DST: variants seen among roughly 807,000 people sequenced by gnomAD.
DST encodes the protein dystonin, also known as bullous pemphigoid antigen.
A neutral mutation model predicts 875.2 loss-of-function variants in DST; 253 were observed. That is an observed-to-expected ratio of 0.29 (90% CI 0.26 to 0.32). The LOEUF is 0.32. Among genes scored for constraint, DST ranks in the 10% least tolerant of loss-of-function variants. The pLI is 1.00. For synonymous variants in DST, 3,124 were observed against 3,197.1 expected (o/e 0.98, Z 0.77); for missense variants, 8,287 against 9,111.6 (o/e 0.91, Z 3.68).
At chr6:56,496,471 G>T (rs1295637148) in intron 82 of DST, among the ~76,000 whole-genome samples, 3 of 150,958 alleles carry the variant, frequency 2.0e-5, no homozygotes, top group East Asian at 1.9e-4. Flanking sequence ...AACAAACAAG[G>T]AAGTTTTTTT....
intron 2 of DST, among the ~76,000 whole-genome samples, chr6:56,948,783 C>A (rs79474935): frequency 0.01 from 1,556 of 152,292 alleles, 27 homozygotes; most frequent in African/African-American, 0.035. Flanking sequence ...TAATTTGTTA[C>A]TTGGTATTTA....
At chr6:56,645,090 G>A (rs996927641) in intron 15 of DST, among the ~76,000 whole-genome samples, 7 of 152,168 alleles carry the variant, frequency 4.6e-5, no homozygotes, top group Admixed American at 1.3e-4. Context: ...ATGTAACTGT[G>A]AGTCAATTAA....
intron 10 of DST, among the ~76,000 whole-genome samples, chr6:56,662,661 C>T (rs1457024361): frequency 1.3e-5 from 2 of 152,032 alleles, no homozygotes; most frequent in African/African-American, 2.4e-5. Context: ...CTTTTTTGGC[C>T]GGGCGAGGTG....
Position 56,640,045 on chromosome 6 carries a change from G to A in DST, c.2503C>T (p.Arg835Cys), listed in dbSNP as rs144056466. The A allele has an allele frequency of 1.7e-5, 27 of 1,613,832 alleles. No homozygotes were observed. Among genetic ancestry groups the A allele is most frequent in the East Asian group, 1.3e-4 (6 of 44,882 alleles). The change falls in exon 19 of 104, where the codon CGC becomes TGC. Residue 835 changes from arginine to cysteine, a missense_variant. Coordinates refer to ENST00000680361, the MANE Select transcript of DST (RefSeq NM_001374736.1). ...WVDEMQVQLDRTEWGSDLPSV... is the reference protein window; with the variant it reads ...WVDEMQVQLDCTEWGSDLPSV... ...GGCAAATCTGAGCCCCACTCAGTGC[G>A]GTCCAGTTGTACCTTCAGACAGTAA...
chr6:56,857,938 T>G (rs533977454), intron 3 of DST, among the ~76,000 whole-genome samples: 1 of 152,258 alleles, frequency 6.6e-6, no homozygotes, highest in East Asian at 1.9e-4. Flanking sequence ...GAAGAAAAAA[T>G]GAGATATGGT....
At chr6:56,684,142 C>T (rs560213072) in intron 9 of DST, among the ~76,000 whole-genome samples, 1 of 152,330 alleles carries the variant, frequency 6.6e-6, no homozygotes, top group South Asian at 2.1e-4. Flanking sequence ...AACTGGGCAA[C>T]AGAAGCACCC....
intron 9 of DST, among the ~76,000 whole-genome samples, chr6:56,681,520 A>AG (rs1398727772): frequency 2.0e-5 from 3 of 152,204 alleles, no homozygotes; most frequent in African/African-American, 4.8e-5. Context: ...ATTCTGCCTC[A>AG]GGGGTCTGTG....
At chr6:56,920,607 C>T (rs1233009329) in intron 2 of DST, among the ~76,000 whole-genome samples, 2 of 152,016 alleles carry the variant, frequency 1.3e-5, no homozygotes, top group Non-Finnish European at 2.9e-5. Context: ...CAAAGCACTG[C>T]CAAATTTAAA....
At position 56,478,944 on chromosome 6, in the gene DST, C is replaced by G. The variant is rs993015964; in HGVS notation, c.21532-1456G>C. 2.0e-5 allele frequency among the ~76,000 whole-genome samples: 3 copies of G among 152,140 alleles called. No homozygotes were observed. The East Asian group carries it at 5.8e-4, about 29-fold the overall frequency. ...GGGACTTAATTAAATAAAAAAGCTT[C>G]TGCACAACAAAAGATAGAATCAACA... On this transcript the variant is annotated intron_variant, in intron 90 of 103. Transcript: ENST00000680361.
chr6:56,566,638 T>C (rs1254628517), intron 55 of DST, among the ~76,000 whole-genome samples: 1 of 152,190 alleles, frequency 6.6e-6, no homozygotes, highest in East Asian at 1.9e-4. Context: ...GAGCTGTTCC[T>C]ATTCAGCCAT....
chr6:56,716,202 AATAG>A (rs201601659), intron 5 of DST, among the ~76,000 whole-genome samples: 1,844 of 152,350 alleles, frequency 0.012, 31 homozygotes, highest in African/African-American at 0.041. Flanking sequence ...TTTCAATAAA[AATAG>A]ATATATAGAT....
chr6:56,668,107 A>T (rs2099081267), intron 10 of DST, among the ~76,000 whole-genome samples: 2 of 152,210 alleles, frequency 1.3e-5, no homozygotes, highest in African/African-American at 4.8e-5. Flanking sequence ...AGAGAGCAGA[A>T]CACACCCTCA....
intron 86 of DST, 101 bp downstream of exon 86, chr6:56,489,389 T>G: frequency 7.9e-7 from 1 of 1,262,866 alleles, no homozygotes; most frequent in Non-Finnish European, 1.0e-6. Context: ...TGGACCTACA[T>G]TTTTTCTTTA....
intron 69 of DST, among the ~76,000 whole-genome samples, chr6:56,520,728 A>G (rs2096680238): frequency 6.6e-6 from 1 of 151,848 alleles, no homozygotes; most frequent in Non-Finnish European, 1.5e-5. Context: ...AAGAAAATAT[A>G]TTAAATAAAA....
intron 85 of DST, among the ~76,000 whole-genome samples, chr6:56,490,896 T>C (rs2095714186): frequency 6.6e-6 from 1 of 152,158 alleles, no homozygotes; most frequent in Non-Finnish European, 1.5e-5. Context: ...GTAGCAAATA[T>C]TTATAAAGTT....
At chr6:56,494,273 T>C (rs926985829) in intron 82 of DST, 93 bp from the exon 83 acceptor site, 127 of 1,192,346 alleles carry the variant, frequency 1.1e-4, no homozygotes, top group South Asian at 3.1e-4. Flanking sequence ...CTCCTCATCA[T>C]ATATTCATCT....
Position 56,509,675 on chromosome 6 carries a change from A to G in DST, c.18979T>C (p.Ser6327Pro), listed in dbSNP as rs1310968546. 6 of 1,613,514 alleles carry G rather than the reference A, an allele frequency of 3.7e-6. No homozygotes were observed. The Admixed American group carries it at 1.0e-4, about 27-fold the overall frequency. Residue 6327 changes from serine to proline, a missense_variant, in exon 74 of 104, where the codon TCT becomes CCT. Ser to Pro is a moderately conservative substitution (Grantham distance 74). Transcript: ENST00000680361. ...GATATGTCTTTATCAGTCCCCCCAG[A>G]TCTAGCAATCATTTCCTCTCCCCTC... Reference protein sequence around the residue: ...KQRGEEMIARSGGTDKDISAK... With the variant: ...KQRGEEMIARPGGTDKDISAK...
intron 4 of DST, among the ~76,000 whole-genome samples, chr6:56,845,399 T>C (rs943593141): frequency 6.6e-6 from 1 of 152,178 alleles, no homozygotes; most frequent in Non-Finnish European, 1.5e-5. Flanking sequence ...TGACTTGAGA[T>C]AGAACTGGAG....
At chr6:56,859,950 C>CT (rs1770130865) in intron 3 of DST, among the ~76,000 whole-genome samples, 6 of 152,210 alleles carry the variant, frequency 3.9e-5, no homozygotes, top group Admixed American at 3.3e-4. Flanking sequence ...CCCCAGCTCC[C>CT]TCACTTCACT....
Sources: allele counts gnomAD v4.1 joint callset (sites outside exome capture counted in the v4.1 genomes callset), GRCh38; gene constraint gnomAD v4.1.1; transcripts MANE v1.5; gene names NCBI Gene and HGNC (gene_info 2026-07-23, HGNC 2026-07-21).